The following CHST6 variants were observed in gnomAD, a reference collection of about 807,000 sequenced individuals.
The protein encoded by CHST6 is N-acetylglucosamine 6-O-sulfotransferase 5.
For missense variants in CHST6, 698 were observed against 586.2 expected, an observed-to-expected ratio of 1.19 and a Z score of -1.97; for synonymous variants, 309 against 276.4, an observed-to-expected ratio of 1.12 and a Z score of -1.17.
intron 2 of CHST6, among the ~76,000 whole-genome samples, chr16:75,480,927 C>CAAAAAAAAAA (rs60465949): frequency 9.0e-6 from 1 of 111,378 alleles, no homozygotes; most frequent in Non-Finnish European, 1.7e-5. Flanking sequence ...AACTTCATTC[C>CAAAAAAAAAA]AAAAAAAAAA....
At chr16:75,487,658 G>C (rs1369033200) in intron 1 of CHST6, among the ~76,000 whole-genome samples, 1 of 151,908 alleles carries the variant, frequency 6.6e-6, no homozygotes, top group African/African-American at 2.4e-5. Context: ...AATTAGCCGG[G>C]CGTGGTGGCG....
chr16:75,483,802 T>C (rs1046384189), intron 1 of CHST6, among the ~76,000 whole-genome samples: 1 of 151,738 alleles, frequency 6.6e-6, no homozygotes, highest in African/African-American at 2.4e-5. Context: ...GGCGGGTGAA[T>C]TGCTTGGGCC....
intron 1 of CHST6, among the ~76,000 whole-genome samples, chr16:75,492,084 T>C (rs115440129): frequency 0.014 from 2,166 of 152,328 alleles, 59 homozygotes; most frequent in African/African-American, 0.049. Context: ...GCCCAGATGC[T>C]GATGGAGAAA....
chr16:75,480,589 G>A (rs2080129853), intron 2 of CHST6, among the ~76,000 whole-genome samples: 1 of 150,766 alleles, frequency 6.6e-6, no homozygotes, highest in South Asian at 2.1e-4. Flanking sequence ...TTTTTAAATA[G>A]ACAGGTATAA....
rs1283886222 is a variant in CHST6 at position 75,479,568 on chromosome 16, C to T, written c.261G>A (p.Thr87=). ...WTTLSQGSAA[T]LHMAVRDLVR... is the part of the protein sequence containing the mutation. ...CCAGGTCGCGCACAGCCATGTGCAG[C>T]GTTGCGGCGCTGCCCTGCGACAGGG... Residue 87 remains threonine, a synonymous_variant, in exon 3 of 3, where the codon ACG becomes ACA. Transcript: ENST00000332272. 1.2e-6 allele frequency: 2 copies of T among 1,612,938 alleles called. No homozygotes were observed. The highest frequency in any genetic ancestry group is 1.1e-5 in the South Asian group (1 of 91,070).
intron 1 of CHST6, among the ~76,000 whole-genome samples, chr16:75,491,177 AAAAAAAAAAAAAAATATATAT>A (rs1288577512): frequency 2.6e-5 from 2 of 78,162 alleles, no homozygotes; most frequent in Admixed American, 1.8e-4. Flanking sequence ...AAAAAAAAAA[AAAAAAAAAAAAAAATATATAT>A]ATATATATAT....
intron 1 of CHST6, among the ~76,000 whole-genome samples, chr16:75,486,943 C>T (rs575328352): frequency 1.3e-5 from 2 of 152,300 alleles, no homozygotes; most frequent in Non-Finnish European, 1.5e-5. Context: ...GTTCACCAAG[C>T]TGTACTTTCA....
chr16:75,479,687 A>G lies in CHST6; in HGVS notation c.142T>C (p.Ser48Pro), dbSNP rs1341875333. 2.5e-6 allele frequency: 4 copies of G among 1,612,302 alleles called. No individual in the cohort carries two copies. Among genetic ancestry groups the G allele is most frequent in the African/African-American group, 1.3e-5 (1 of 75,044 alleles). ...ACGAAGGACGAGCCCGAGCGCCACG[A>G]GGACAGCACCAGCACATGCACGCGC... ...EARVHVLVLS[S>P]WRSGSSFVGQ... Residue 48 changes from serine to proline, a missense_variant, in exon 3 of 3, where the codon TCG becomes CCG. Coordinates refer to ENST00000332272, the MANE Select transcript of CHST6 (RefSeq NM_021615.5).
intron 1 of CHST6, among the ~76,000 whole-genome samples, chr16:75,484,132 A>G (rs999460210): frequency 2.0e-5 from 3 of 151,000 alleles, no homozygotes; most frequent in South Asian, 4.2e-4. Context: ...AAGGTCAGGA[A>G]TTTGAGACTA....
intron 1 of CHST6, among the ~76,000 whole-genome samples, chr16:75,489,401 A>AT (rs1291545470): frequency 1.1e-4 from 16 of 139,200 alleles, no homozygotes; most frequent in Non-Finnish European, 2.6e-4. Context: ...TCTGTCTCAA[A>AT]AAAAAAAAAA....
Position 75,479,379 on chromosome 16 carries a change from C to T in CHST6, c.450G>A (p.Lys150=). The part of the protein sequence containing the change: ...RGAISSEAVC[K]PLCARQSFTL... ...TGAAGGACTGCCGCGCGCACAGTGG[C>T]TTGCACACGGCCTCGCTGCTGATGG... The change falls in exon 3 of 3, where the codon AAG becomes AAA. Residue 150 remains lysine (K), a synonymous_variant. Transcript: ENST00000332272. 6.2e-7 allele frequency: 1 copy of T among 1,612,700 alleles called. No individual in the cohort carries two copies. Among genetic ancestry groups the T allele is most frequent in the South Asian group, 1.1e-5 (1 of 91,064 alleles).
In CHST6 at chr16:75,478,824, A is replaced by C; in HGVS notation, c.1005T>G (p.His335Gln). 6.2e-7 allele frequency: 1 copy of C among 1,613,450 alleles called. No homozygotes were observed. The highest frequency in any genetic ancestry group is 1.1e-5 in the South Asian group (1 of 91,088). ...NALNVSQAWR[H>Q]ALPFAKIRRV... ...GGCGGATCTTGGCAAAGGGCAGCGC[A>C]TGGCGCCAGGCCTGGGAGACGTTGA... Residue 335 changes from histidine to glutamine, a missense_variant, in exon 3 of 3, where the codon CAT (histidine) becomes CAG (glutamine). By Grantham distance (24) the His-to-Gln change is conservative. Coordinates refer to ENST00000332272, the MANE Select transcript of CHST6 (RefSeq NM_021615.5).
rs1181480674 is a variant in CHST6 at position 75,474,703 on chromosome 16, G to A, written c.*3938C>T. ...CCTAGCATGATGGAAGGCATCATAT[G>A]GCAGAAGGGCAAAGTGAGGGCGAGA... is the stretch of plus-strand genomic sequence containing the variant. On this transcript the variant is annotated 3_prime_UTR_variant, in exon 3 of 3. Coordinates refer to ENST00000332272, the MANE Select transcript of CHST6 (RefSeq NM_021615.5). 2.5e-6 allele frequency: 1 copy of A among 398,512 alleles called. No homozygotes were observed. 24.7% of individuals were successfully genotyped at this position (398,512 alleles called of 1,614,324 possible).
rs1284906787 is a variant in CHST6, at chr16:75,478,561, T to C, written c.*80A>G. 5.5e-6 allele frequency: 8 copies of C among 1,443,518 alleles called. No homozygotes were observed. Among genetic ancestry groups the C allele is most frequent in the South Asian group, 2.3e-5 (2 of 87,116 alleles). The allele number at this position is 1,443,518 out of a possible 1,614,324, so 89.4% of individuals were successfully genotyped here. On this transcript the variant is annotated 3_prime_UTR_variant, in exon 3 of 3. Coordinates refer to ENST00000332272, the MANE Select transcript of CHST6 (RefSeq NM_021615.5). ...AAACTCCTTGGTCAATATAGGGACC[T>C]GCTTCTCCGTGCGCCCCAGCCCCCT...
chr16:75,485,436 G>A (rs2080185456), intron 1 of CHST6, among the ~76,000 whole-genome samples: 1 of 152,088 alleles, frequency 6.6e-6, no homozygotes, highest in Non-Finnish European at 1.5e-5. Context: ...CTGCTCACCA[G>A]CTTGGGCAAC....
chr16:75,484,228 T>G lies in CHST6; in HGVS notation c.-91-2337A>C, dbSNP rs981810549. On this transcript the variant is annotated intron_variant, in intron 1 of 2. Transcript: ENST00000332272. ...GGCAGGCACCTGTAGTCCCAGCTAC[T>G]CGGGAGGCTGAGGCAGGAGAATTGC... 8.5e-5 allele frequency among the ~76,000 whole-genome samples: 13 copies of G among 152,174 alleles called. No individual in the cohort carries two copies. The East Asian group carries it at 2.3e-3, about 27-fold the overall frequency.
chr16:75,494,924 T>G lies in CHST6; in HGVS notation c.-92+16A>C, dbSNP rs1054286734. 1 of 152,558 alleles carries G rather than the reference T, an allele frequency of 6.6e-6. No individual in the cohort carries two copies. The highest frequency in any genetic ancestry group is 1.5e-5 in the Non-Finnish European group (1 of 68,280). 9.5% of individuals were successfully genotyped at this position (152,558 alleles called of 1,614,324 possible). On this transcript the variant is annotated intron_variant, in intron 1 of 2. Coordinates refer to ENST00000332272, the MANE Select transcript of CHST6 (RefSeq NM_021615.5). ...GTGTGGGGACATCCCCCGCGGAGAATGAAGAACCAACGTACCCCAAAGCTT... is the reference window on the plus strand; with the variant it reads ...GTGTGGGGACATCCCCCGCGGAGAAGGAAGAACCAACGTACCCCAAAGCTT...
At chr16:75,483,448 G>A (rs2080163779) in intron 1 of CHST6, among the ~76,000 whole-genome samples, 2 of 152,202 alleles carry the variant, frequency 1.3e-5, no homozygotes, top group African/African-American at 2.4e-5. Flanking sequence ...TAGGAAGGTG[G>A]TTGAATCATC....
intron 1 of CHST6, among the ~76,000 whole-genome samples, chr16:75,487,798 G>A (rs1472699490): frequency 1.8e-4 from 21 of 113,872 alleles, no homozygotes; most frequent in Non-Finnish European, 1.9e-4. Context: ...GTGAGACTCC[G>A]TCCCCCCTAA....
Sources: allele counts gnomAD v4.1 joint callset (sites outside exome capture counted in the v4.1 genomes callset), GRCh38; gene constraint gnomAD v4.1.1; transcripts MANE v1.5; gene names NCBI Gene and HGNC (gene_info 2026-07-23, HGNC 2026-07-21).